MYT1L: variants seen among roughly 807,000 people sequenced by gnomAD.
MYT1L encodes myelin transcription factor 1 like.
In MYT1L, 12 loss-of-function variants were observed where a neutral mutation model predicts 126.7. The ratio of observed to expected loss-of-function variants is 0.09; its 90% CI spans 0.06 to 0.15. The LOEUF (loss-of-function observed/expected upper bound fraction) is 0.15. Among genes scored for constraint, MYT1L ranks in the 10% least tolerant of loss-of-function variants. MYT1L has a pLI of 1.00. For missense variants in MYT1L, 979 were observed against 1,585.2 expected, an observed-to-expected ratio of 0.62 and a Z score of 6.49; for synonymous variants, 541 against 604.2, an observed-to-expected ratio of 0.90 and a Z score of 1.53.
intron 21 of MYT1L, among the ~76,000 whole-genome samples, chr2:1,814,030 A>G (rs1452492580): frequency 6.8e-6 from 1 of 146,592 alleles, no homozygotes; most frequent in Non-Finnish European, 1.5e-5. Flanking sequence ...CCGTCCCCAA[A>G]AAAAAAAAAA....
rs973375086 is a variant in MYT1L, at chr2:2,330,984, C to T, written c.-538G>A. The stretch of plus-strand genomic sequence containing the variant: ...TCACGTACCTCACAATGACCACAAC[C>T]GCTCACAAGCGAAAGACAAGTTCAA... On this transcript the variant is annotated 5_prime_UTR_variant, in exon 1 of 25. Coordinates refer to ENST00000647738, the MANE Select transcript of MYT1L (RefSeq NM_001303052.2). 5 of 152,028 alleles carry T rather than the reference C, an allele frequency of 3.3e-5. No homozygotes were observed. In the East Asian group the frequency reaches 5.8e-4, roughly 18 times the overall value. The allele number at this position is 152,028 out of a possible 1,614,324, so 9.4% of individuals were successfully genotyped here. A position where few individuals can be genotyped will look rare whatever the true frequency, so the allele number is the denominator to read the frequency against.
intron 2 of MYT1L, among the ~76,000 whole-genome samples, chr2:2,261,667 C>A (rs2149282273): frequency 6.6e-6 from 1 of 152,266 alleles, no homozygotes; most frequent in East Asian, 1.9e-4. Context: ...GGTGCAGATA[C>A]AAAAACAACG....
intron 8 of MYT1L, among the ~76,000 whole-genome samples, chr2:1,957,157 C>T (rs903032299): frequency 5.3e-5 from 8 of 152,132 alleles, no homozygotes; most frequent in South Asian, 2.1e-4. Flanking sequence ...GTTCACTGGG[C>T]GCGTGGCTTG....
intron 9 of MYT1L, among the ~76,000 whole-genome samples, chr2:1,930,840 G>A (rs1486038237): frequency 2.0e-5 from 3 of 152,298 alleles, no homozygotes; most frequent in African/African-American, 7.2e-5. Context: ...GCGTGTTGCA[G>A]GGGTTTGCTG....
At chr2:2,165,390 C>T (rs1329240914) in intron 3 of MYT1L, among the ~76,000 whole-genome samples, 2 of 152,124 alleles carry the variant, frequency 1.3e-5, no homozygotes, top group Non-Finnish European at 2.9e-5. Flanking sequence ...ACATGCCACA[C>T]ACATTTTCCT....
chr2:2,013,913 T>TA (rs1343355626), intron 4 of MYT1L, among the ~76,000 whole-genome samples: 5 of 152,222 alleles, frequency 3.3e-5, no homozygotes, highest in African/African-American at 1.2e-4. Context: ...CCTTCCCACA[T>TA]AAACTTTTTA....
rs530501367 is a variant in MYT1L, at chr2:2,013,061, C to G, written c.-157-15714G>C. Reference sequence around the variant, plus strand: ...CCCACGGGGGGTCTTGGAATGTATCCCACAGATACAGGAGAACACGCGATT... The same window carrying G: ...CCCACGGGGGGTCTTGGAATGTATCGCACAGATACAGGAGAACACGCGATT... On this transcript the variant is annotated intron_variant, in intron 4 of 24. Coordinates refer to ENST00000647738, the MANE Select transcript of MYT1L (RefSeq NM_001303052.2). Among the ~76,000 whole-genome samples the G allele has an allele frequency of 2.0e-5, 3 of 152,218 alleles. No homozygotes were observed. In the South Asian group the frequency reaches 6.2e-4, roughly 32 times the overall value.
chr2:2,107,113 C>T (rs1340161610), intron 3 of MYT1L, among the ~76,000 whole-genome samples: 1 of 152,214 alleles, frequency 6.6e-6, no homozygotes, highest in Non-Finnish European at 1.5e-5. Flanking sequence ...AGCCCAGGAC[C>T]TGGCACACAG....
At chr2:2,021,859 T>C (rs1291126961) in intron 4 of MYT1L, among the ~76,000 whole-genome samples, 2 of 152,006 alleles carry the variant, frequency 1.3e-5, no homozygotes, top group African/African-American at 2.4e-5. Flanking sequence ...ATCGTGCCAC[T>C]GCACTCCAGC....
At position 2,002,090 on chromosome 2, in the gene MYT1L, C is replaced by T. The variant is rs140345517; in HGVS notation, c.-157-4743G>A. On this transcript the variant is annotated intron_variant, in intron 4 of 24. Coordinates refer to ENST00000647738, the MANE Select transcript of MYT1L (RefSeq NM_001303052.2). ...AACAACACCTTCTTAATATGTATGA[C>T]ATCCTCAAATGCTTTCCATTCTACT... Among the ~76,000 whole-genome samples the T allele has an allele frequency of 5.5e-3, 844 of 152,280 alleles. 7 individuals are homozygous for T. The highest frequency in any genetic ancestry group is 0.019 in the African/African-American group (792 of 41,554).
chr2:2,165,649 TATTA>T (rs1332754093), intron 3 of MYT1L, among the ~76,000 whole-genome samples: 1 of 152,220 alleles, frequency 6.6e-6, no homozygotes, highest in Non-Finnish European at 1.5e-5. Flanking sequence ...AGTTTTCCTT[TATTA>T]TTCTAAAGAA....
At chr2:1,870,013 C>A (rs889406961) in intron 18 of MYT1L, among the ~76,000 whole-genome samples, 1 of 152,140 alleles carries the variant, frequency 6.6e-6, no homozygotes, top group Admixed American at 6.5e-5. Context: ...GGTTGATGAG[C>A]CATCAGGGTT....
chr2:2,096,854 C>G (rs2077510668), intron 3 of MYT1L, among the ~76,000 whole-genome samples: 1 of 152,178 alleles, frequency 6.6e-6, no homozygotes, highest in South Asian at 2.1e-4. Flanking sequence ...TTTTGAGAAC[C>G]TTCTCCTTTT....
At chr2:2,202,649 A>G (rs141627402) in intron 2 of MYT1L, among the ~76,000 whole-genome samples, 6,120 of 152,242 alleles carry the variant, frequency 0.04, 430 homozygotes, top group African/African-American at 0.14. Flanking sequence ...CAACCAAAAA[A>G]TGTTCAGGAC....
At chr2:2,232,079 G>A (rs1211616880) in intron 2 of MYT1L, among the ~76,000 whole-genome samples, 2 of 152,166 alleles carry the variant, frequency 1.3e-5, no homozygotes, top group South Asian at 2.1e-4. Context: ...ATATCCCTGC[G>A]ACAGAGAACA....
In MYT1L at chr2:1,840,896, C is replaced by CTTTTTTTT. The variant is rs1316416056; in HGVS notation, c.2775-54_2775-53insAAAAAAAA. 52 of 962,510 alleles carry CTTTTTTTT rather than the reference C, an allele frequency of 5.4e-5. 2 individuals are homozygous for CTTTTTTTT. The African/African-American group carries it at 9.5e-4, about 18-fold the overall frequency. 59.6% of individuals were successfully genotyped at this position (962,510 alleles called of 1,614,324 possible). A position where few individuals can be genotyped will look rare whatever the true frequency, so the allele number is the denominator to read the frequency against. ...ACCCCACACCGTTGATTTCAGTGAG[C>CTTTTTTTT]TTTCTTTCTTTTTTTTTTTTTTTTT... On this transcript the variant is annotated intron_variant, in intron 19 of 24. Transcript: ENST00000647738.
intron 2 of MYT1L, among the ~76,000 whole-genome samples, chr2:2,179,496 G>A (rs990503353): frequency 2.6e-5 from 4 of 152,178 alleles, no homozygotes; most frequent in African/African-American, 9.7e-5. Context: ...AGTCCACATA[G>A]TGACCATGAT....
intron 9 of MYT1L, among the ~76,000 whole-genome samples, chr2:1,930,927 A>G (rs2054876688): frequency 6.6e-6 from 1 of 152,228 alleles, no homozygotes; most frequent in African/African-American, 2.4e-5. Flanking sequence ...CAGAAATACT[A>G]CATCTTAGTA....
intron 3 of MYT1L, among the ~76,000 whole-genome samples, chr2:2,147,124 G>A (rs1214117745): frequency 1.3e-5 from 2 of 152,230 alleles, no homozygotes; most frequent in African/African-American, 4.8e-5. Context: ...AAGACCCAGT[G>A]CCTTGCAAAT....
Sources: allele counts gnomAD v4.1 joint callset (sites outside exome capture counted in the v4.1 genomes callset), GRCh38; gene constraint gnomAD v4.1.1; transcripts MANE v1.5; gene names NCBI Gene and HGNC (gene_info 2026-07-23, HGNC 2026-07-21).